The following GRIK4 variants were observed in gnomAD, a reference collection of about 807,000 sequenced individuals.
GRIK4 encodes glutamate receptor ionotropic, kainate 4.
Under a neutral mutation model 104.9 loss-of-function variants are expected in GRIK4, and 40 were observed. That is an observed-to-expected ratio of 0.38 (90% CI 0.30 to 0.50). The LOEUF is 0.50. GRIK4 is among the 20% of genes least tolerant of loss of function. The probability of loss-of-function intolerance (pLI) is 0.93; values close to 1 mark genes in which losing one functional copy is unlikely to be tolerated. For synonymous variants in GRIK4, 485 were observed against 524.9 expected, an observed-to-expected ratio of 0.92 and a Z score of 1.04; for missense variants, 1,047 against 1,308.1, an observed-to-expected ratio of 0.80 and a Z score of 3.08.
intron 1 of GRIK4, among the ~76,000 whole-genome samples, chr11:120,604,626 G>A (rs755569617): frequency 4.6e-5 from 7 of 152,220 alleles, no homozygotes; most frequent in Non-Finnish European, 8.8e-5. Flanking sequence ...CATGGGAGTG[G>A]TGAGAAACAG....
chr11:120,836,620 C>T (rs891155804), intron 7 of GRIK4, among the ~76,000 whole-genome samples, 171 bp from the exon 8 acceptor site: 1 of 152,190 alleles, frequency 6.6e-6, no homozygotes, highest in Non-Finnish European at 1.5e-5. Context: ...AATTTCTGTG[C>T]TCCATCCTCT....
At chr11:120,908,014 T>C (rs1942907687) in intron 13 of GRIK4, among the ~76,000 whole-genome samples, 1 of 152,144 alleles carries the variant, frequency 6.6e-6, no homozygotes, top group African/African-American at 2.4e-5. Flanking sequence ...TTGTGACCCC[T>C]TTCCCAAGCT....
Position 120,952,018 on chromosome 11 carries a change from G to A in GRIK4, c.1591-837G>A, listed in dbSNP as rs540509687. 1.6e-3 allele frequency among the ~76,000 whole-genome samples: 237 copies of A among 152,264 alleles called. 1 individual carries two copies. Among genetic ancestry groups the A allele is most frequent in the African/African-American group, 5.2e-3 (215 of 41,542 alleles). On this transcript the variant is annotated intron_variant, in intron 14 of 20. Transcript: ENST00000527524. The surrounding 1 kb of genome is among the most constrained non-coding windows in gnomAD (Gnocchi z 5.2). The stretch of plus-strand genomic sequence containing the variant: ...GGTGGGAACTTGCCTGAGACCACAC[G>A]GCTAAAGACTTGGAGCAGATGACTT...
At chr11:120,964,357 T>C (rs1163201522) in intron 18 of GRIK4, among the ~76,000 whole-genome samples, 1 of 152,182 alleles carries the variant, frequency 6.6e-6, no homozygotes, top group Admixed American at 6.5e-5. Context: ...ATATGGTTCA[T>C]CTCTGAACTC....
At chr11:120,656,658 C>G (rs369192260) in intron 2 of GRIK4, among the ~76,000 whole-genome samples, 1 of 152,076 alleles carries the variant, frequency 6.6e-6, no homozygotes, top group African/African-American at 2.4e-5. Flanking sequence ...GTCAGGAGTT[C>G]GAGACCAGCC....
chr11:120,768,722 C>T (rs1565341290), intron 3 of GRIK4, among the ~76,000 whole-genome samples: 1 of 152,072 alleles, frequency 6.6e-6, no homozygotes, highest in Non-Finnish European at 1.5e-5. Flanking sequence ...TTCTTCTATA[C>T]CTAAACTGTT....
chr11:120,768,980 G>A (rs1470962320), intron 3 of GRIK4, among the ~76,000 whole-genome samples: 1 of 152,102 alleles, frequency 6.6e-6, no homozygotes, highest in Non-Finnish European at 1.5e-5. Flanking sequence ...ATGTTAATTA[G>A]AGATATTGGC....
At position 120,905,694 on chromosome 11, in the gene GRIK4, A is replaced by G. The variant is rs1023980303; in HGVS notation, c.1476+201A>G. ...GGTGGATAAGCCTGCAATGATCCCT[A>G]TCCCGTGGCTTTCCCAGTCCAGAGC... On this transcript the variant is annotated intron_variant, in intron 13 of 20. Coordinates refer to ENST00000527524, the MANE Select transcript of GRIK4 (RefSeq NM_014619.5). This position sits in a 1 kb window ranked among gnomAD's most constrained non-coding sequence, Gnocchi z 5.1. Among the ~76,000 whole-genome samples, 3 of 152,180 alleles carry G rather than the reference A, an allele frequency of 2.0e-5. No individual in the cohort carries two copies. Among genetic ancestry groups the G allele is most frequent in the Non-Finnish European group, 2.9e-5 (2 of 68,044 alleles).
intron 3 of GRIK4, among the ~76,000 whole-genome samples, chr11:120,685,060 A>AATGTCAGTGGAATGT (rs1950255306): frequency 6.6e-6 from 1 of 152,202 alleles, no homozygotes; most frequent in Non-Finnish European, 1.5e-5. Context: ...CTGAGTCAGT[A>AATGTCAGTGGAATGT]CTTCTGTGGA....
chr11:120,884,981 A>G (rs1163330962), intron 11 of GRIK4, among the ~76,000 whole-genome samples: 1 of 152,254 alleles, frequency 6.6e-6, no homozygotes, highest in African/African-American at 2.4e-5. Context: ...CGGGTGCTTC[A>G]TTAAAACCGT....
At chr11:120,611,494 G>A (rs1949037414) in intron 1 of GRIK4, among the ~76,000 whole-genome samples, 1 of 152,210 alleles carries the variant, frequency 6.6e-6, no homozygotes, top group South Asian at 2.1e-4. Flanking sequence ...CAAGGAAGGC[G>A]CTCAAAAAAT....
intron 1 of GRIK4, among the ~76,000 whole-genome samples, chr11:120,571,843 A>G (rs915893745): frequency 7.9e-5 from 12 of 152,056 alleles, no homozygotes; most frequent in Non-Finnish European, 1.3e-4. Flanking sequence ...TGGGTGAACG[A>G]CCTACTTGGT....
chr11:120,730,704 C>T (rs1951113412), intron 3 of GRIK4, among the ~76,000 whole-genome samples: 1 of 152,022 alleles, frequency 6.6e-6, no homozygotes, highest in African/African-American at 2.4e-5. Flanking sequence ...GAACATGAAA[C>T]ATCATTCCCT....
At chr11:120,915,913 A>C (rs1260935739) in intron 13 of GRIK4, among the ~76,000 whole-genome samples, 2 of 152,226 alleles carry the variant, frequency 1.3e-5, no homozygotes, top group African/African-American at 4.8e-5. Context: ...GACACACAGC[A>C]AGTGGCCAGA....
At chr11:120,846,818 C>A (rs1237481519) in intron 8 of GRIK4, among the ~76,000 whole-genome samples, 2 of 152,172 alleles carry the variant, frequency 1.3e-5, no homozygotes, top group African/African-American at 2.4e-5. Context: ...ACATAATGAA[C>A]AACCAGATGA....
At chr11:120,541,426 C>T (rs979291051) in intron 1 of GRIK4, among the ~76,000 whole-genome samples, 5 of 152,164 alleles carry the variant, frequency 3.3e-5, no homozygotes, top group Non-Finnish European at 7.3e-5. Flanking sequence ...TCTTCAATAA[C>T]ATTTGTCAGT....
intron 1 of GRIK4, among the ~76,000 whole-genome samples, chr11:120,618,985 C>T (rs929980054): frequency 1.3e-5 from 2 of 152,166 alleles, no homozygotes; most frequent in African/African-American, 2.4e-5. Flanking sequence ...AAGAGGGTCA[C>T]CATCCTCCAC....
rs1591342877 is a variant in GRIK4 at position 120,967,105 on chromosome 11, T to G, written c.2267-90T>G. On this transcript the variant is annotated intron_variant, in intron 18 of 20. Transcript: ENST00000527524. The surrounding 1 kb of genome is among the most constrained non-coding windows in gnomAD (Gnocchi z 4.2). Reference sequence around the variant, plus strand: ...CCTCTCGAGGTGAAAGCAGGCAGGGTGGCCAGGAGGTGTGCCGGGAAGGGG... The same window carrying G: ...CCTCTCGAGGTGAAAGCAGGCAGGGGGGCCAGGAGGTGTGCCGGGAAGGGG... 7.0e-7 allele frequency: 1 copy of G among 1,423,232 alleles called. No individual in the cohort carries two copies. Among genetic ancestry groups the G allele is most frequent in the Non-Finnish European group, 9.6e-7 (1 of 1,041,618 alleles). The allele number at this position is 1,423,232 out of a possible 1,614,324, so 88.2% of individuals were successfully genotyped here. A position where few individuals can be genotyped will look rare whatever the true frequency, so the allele number is the denominator to read the frequency against.
chr11:120,712,782 G>C (rs1950761378), intron 3 of GRIK4, among the ~76,000 whole-genome samples: 1 of 152,198 alleles, frequency 6.6e-6, no homozygotes, highest in Non-Finnish European at 1.5e-5. Context: ...GAAGACTCCA[G>C]ATTCTTCACG....
Sources: allele counts gnomAD v4.1 joint callset (sites outside exome capture counted in the v4.1 genomes callset), GRCh38; gene constraint gnomAD v4.1.1; non-coding constraint Gnocchi (gnomAD v3.1); transcripts MANE v1.5; gene names NCBI Gene and HGNC (gene_info 2026-07-23, HGNC 2026-07-21).